RBFOX1: variants seen among roughly 807,000 people sequenced by gnomAD.
RBFOX1 encodes the protein RNA binding protein fox-1 homolog 1.
Under a neutral mutation model 57.7 loss-of-function variants are expected in RBFOX1, and 8 were observed. That is an observed-to-expected ratio of 0.14 (90% CI 0.08 to 0.25). RBFOX1 has a LOEUF of 0.25. Ranked by LOEUF, RBFOX1 falls within the 10% of genes least tolerant of loss-of-function variation. The pLI is 1.00. For synonymous variants in RBFOX1, 326 were observed against 222.4 expected, an observed-to-expected ratio of 1.47 and a Z score of -4.15; for missense variants, 611 against 548.5, an observed-to-expected ratio of 1.11 and a Z score of -1.14.
At chr16:5,847,428 A>T (rs1403324653) in intron 3 of RBFOX1, among the ~76,000 whole-genome samples, 4 of 152,172 alleles carry the variant, frequency 2.6e-5, no homozygotes, top group African/African-American at 4.8e-5. Context: ...ATGTGTGCAC[A>T]GATGTTACAG....
At chr16:6,555,009 C>A (rs2097071330) in intron 2 of RBFOX1, among the ~76,000 whole-genome samples, 1 of 152,128 alleles carries the variant, frequency 6.6e-6, no homozygotes, top group South Asian at 2.1e-4. Context: ...TAAACCATTC[C>A]TTCTTAGCAT....
At chr16:5,706,733 C>A (rs191857011) in intron 3 of RBFOX1, among the ~76,000 whole-genome samples, 1,637 of 152,008 alleles carry the variant, frequency 0.011, 13 homozygotes, top group South Asian at 0.025. Context: ...TTTTTTCCTA[C>A]GATGGTTGAT....
At chr16:6,615,965 C>T (rs1208585671) in intron 2 of RBFOX1, among the ~76,000 whole-genome samples, 3 of 152,130 alleles carry the variant, frequency 2.0e-5, no homozygotes, top group Non-Finnish European at 4.4e-5. Context: ...GGTCCCTTGA[C>T]GTTGTAGCTT....
chr16:6,749,581 T>C (rs1484032129), intron 3 of RBFOX1, among the ~76,000 whole-genome samples: 1 of 152,206 alleles, frequency 6.6e-6, no homozygotes, highest in Admixed American at 6.5e-5. Flanking sequence ...TCAAAGCTCC[T>C]TCTCTTTTCA....
At chr16:7,070,569 C>A (rs757564392) in intron 4 of RBFOX1, among the ~76,000 whole-genome samples, 9 of 152,182 alleles carry the variant, frequency 5.9e-5, no homozygotes, top group African/African-American at 1.2e-4. Context: ...ACACTGAACT[C>A]TTTTCAAGAT....
At chr16:7,600,766 A>G (rs768141408) in intron 9 of RBFOX1, among the ~76,000 whole-genome samples, 1 of 152,214 alleles carries the variant, frequency 6.6e-6, no homozygotes, top group Admixed American at 6.5e-5. Flanking sequence ...AGTGATAAAT[A>G]AGACTGAATT....
chr16:7,507,785 G>A (rs928583361), intron 4 of RBFOX1, among the ~76,000 whole-genome samples: 2 of 151,802 alleles, frequency 1.3e-5, no homozygotes, highest in African/African-American at 4.8e-5. Context: ...GGACGGTCTC[G>A]ATGTCCTGAC....
At chr16:6,847,887 G>T (rs2093844591) in intron 3 of RBFOX1, among the ~76,000 whole-genome samples, 1 of 151,998 alleles carries the variant, frequency 6.6e-6, no homozygotes, top group Admixed American at 6.6e-5. Context: ...AGTCAGGCTG[G>T]AGAGTACTGG....
chr16:6,034,076 C>G (rs191357310), intron 1 of RBFOX1, among the ~76,000 whole-genome samples: 2 of 151,826 alleles, frequency 1.3e-5, no homozygotes, highest in Admixed American at 1.3e-4. Flanking sequence ...GGCTCATGCC[C>G]GTAATCCCAG....
chr16:5,420,933 C>T (rs2067304931), intron 1 of RBFOX1, among the ~76,000 whole-genome samples: 1 of 135,194 alleles, frequency 7.4e-6, no homozygotes, highest in Non-Finnish European at 1.6e-5. Context: ...CCTCCTCCCC[C>T]TCCCCTTCCT....
At chr16:5,361,347 G>T (rs1011727933) in intron 1 of RBFOX1, among the ~76,000 whole-genome samples, 1 of 152,204 alleles carries the variant, frequency 6.6e-6, no homozygotes, top group Non-Finnish European at 1.5e-5. Flanking sequence ...CAACTAGGTA[G>T]TTACCCAGAG....
intron 14 of RBFOX1, among the ~76,000 whole-genome samples, chr16:7,689,789 A>G (rs1359269914): frequency 1.3e-5 from 2 of 152,096 alleles, no homozygotes; most frequent in Non-Finnish European, 2.9e-5. Flanking sequence ...AGGAACAGGT[A>G]AGGAAGAACT....
At chr16:5,484,775 G>A (rs1171305556) in intron 2 of RBFOX1, among the ~76,000 whole-genome samples, 1 of 151,694 alleles carries the variant, frequency 6.6e-6, no homozygotes, top group Non-Finnish European at 1.5e-5. Context: ...AGCCAGGCGT[G>A]GTGGCGGGCA....
intron 3 of RBFOX1, among the ~76,000 whole-genome samples, chr16:6,852,044 G>A (rs1034933073): frequency 5.9e-5 from 9 of 151,522 alleles, no homozygotes; most frequent in African/African-American, 2.2e-4. Flanking sequence ...TCCTGACTCA[G>A]TCTCTTGAGT....
intron 4 of RBFOX1, among the ~76,000 whole-genome samples, chr16:7,206,246 A>T (rs1360401006): frequency 6.6e-6 from 1 of 152,110 alleles, no homozygotes; most frequent in Non-Finnish European, 1.5e-5. Context: ...GTAACATCTT[A>T]GTCTTTTGTG....
rs536328158 is a variant in RBFOX1 at position 7,710,779 on chromosome 16, A to G, written c.*34A>G. On this transcript the variant is annotated 3_prime_UTR_variant, in exon 16 of 16. Coordinates refer to ENST00000550418, the MANE Select transcript of RBFOX1 (RefSeq NM_018723.4). ...ACCATAAAAACCTTCCAATGTGGGG[A>G]GAAAGGAAGCTTTCCGAGGCCTGAG... The G allele has an allele frequency of 4.0e-6, 6 of 1,505,202 alleles. No homozygotes were observed. Among genetic ancestry groups the G allele is most frequent in the Non-Finnish European group, 5.3e-6 (6 of 1,122,482 alleles). 93.2% of individuals were successfully genotyped at this position (1,505,202 alleles called of 1,614,324 possible).
intron 3 of RBFOX1, among the ~76,000 whole-genome samples, chr16:6,895,470 ATATATATATATATATATT>A (rs879315878): frequency 0.025 from 3,002 of 120,000 alleles, 85 homozygotes; most frequent in East Asian, 0.092. Flanking sequence ...ATATATATAT[ATATATATATATATATATT>A]TATTCCCCTA....
At chr16:6,631,036 A>C (rs2098378947) in intron 2 of RBFOX1, among the ~76,000 whole-genome samples, 1 of 152,316 alleles carries the variant, frequency 6.6e-6, no homozygotes, top group East Asian at 1.9e-4. Flanking sequence ...GGAAATAAGC[A>C]AGACATGATG....
intron 1 of RBFOX1, among the ~76,000 whole-genome samples, chr16:5,448,406 T>C (rs1237868426): frequency 6.6e-6 from 1 of 152,242 alleles, no homozygotes; most frequent in Non-Finnish European, 1.5e-5. Flanking sequence ...AAAATAGGGC[T>C]GTTCATTGAA....
Sources: gnomAD v4.1 joint callset for allele counts (sites outside exome capture counted in the v4.1 genomes callset) on GRCh38, gnomAD v4.1.1 for gene constraint, MANE v1.5 for transcripts, NCBI Gene and HGNC (gene_info 2026-07-23, HGNC 2026-07-21) for gene names.